The following NBPF19 variants were observed in gnomAD, a reference collection of about 807,000 sequenced individuals.
NBPF19 encodes NBPF member 19, also known as NBPF family member NBPF19.
In NBPF19, 30 loss-of-function variants were observed where a neutral mutation model predicts 45.9. That is an observed-to-expected ratio of 0.65 (90% CI 0.49 to 0.89). The LOEUF (loss-of-function observed/expected upper bound fraction) is 0.89, where lower values mean the gene tolerates loss of function less well. NBPF19 is among the 40% of genes least tolerant of loss of function. The probability of loss-of-function intolerance (pLI) is 0.00; values close to 1 mark genes in which losing one functional copy is unlikely to be tolerated. For synonymous variants in NBPF19, 183 were observed against 181.2 expected (o/e 1.01, Z -0.08); for missense variants, 495 against 471.8 (o/e 1.05, Z -0.46).
At chr1:149,487,795 G>C (rs1178282977) in intron 9 of NBPF19, among the ~76,000 whole-genome samples, 1 of 148,600 alleles carries the variant, frequency 6.7e-6, no homozygotes, top group Non-Finnish European at 1.5e-5. Flanking sequence ...GTGTGTGTGT[G>C]TGTGTGTGTG....
In NBPF19 at chr1:149,478,574, G is replaced by A. The variant is rs1175245815; in HGVS notation, c.279-306G>A. Among the ~76,000 whole-genome samples the A allele has an allele frequency of 1.3e-4, 20 of 151,208 alleles. No homozygotes were observed. The South Asian group carries it at 4.2e-3, about 31-fold the overall frequency. On this transcript the variant is annotated intron_variant, in intron 3 of 93. Transcript: ENST00000651566. ...TGTATTTTCACATGGAAATGTCCAT[G>A]GCCAGAGTGAGGAACTGAAAGGATG...
chr1:149,554,751 A>G lies in NBPF19; in HGVS notation c.*13A>G. The G allele has an allele frequency of 6.2e-7, 1 of 1,607,818 alleles. No individual in the cohort carries two copies. The highest frequency in any genetic ancestry group is 1.1e-5 in the South Asian group (1 of 90,878). On this transcript the variant is annotated 3_prime_UTR_variant, in exon 94 of 94. Transcript: ENST00000651566. ...ATTCCCACAATAGGCAGCCCTTACT[A>G]AGCCGAGAGATGTCATTCCTGCAGG...
At chr1:149,514,693 CTGTGTGTG>C (rs1224656992) in intron 43 of NBPF19, among the ~76,000 whole-genome samples, 1 of 89,754 alleles carries the variant, frequency 1.1e-5, no homozygotes, top group Non-Finnish European at 2.7e-5. Context: ...CTCTCTCTCT[CTGTGTGTG>C]TGTGTGTGTG....
chr1:149,491,072 A>T (rs2085851243), intron 13 of NBPF19, 67 bp from the exon 14 acceptor site: 1 of 304,788 alleles, frequency 3.3e-6, no homozygotes, highest in African/African-American at 5.7e-5. Context: ...TACCCATGAA[A>T]CCTAGTTGGG....
chr1:149,519,431 TTC>T (rs1209458388), intron 49 of NBPF19, among the ~76,000 whole-genome samples: 124 of 10,482 alleles, frequency 0.012, 2 homozygotes, highest in East Asian at 0.095. Context: ...ACTGAGCTCG[TTC>T]TCTCTCTCTC....
rs1229452142 is a variant in NBPF19 at position 149,494,170 on chromosome 1, C to A, written c.1998-148C>A. The A allele has an allele frequency of 3.3e-3, 1,832 of 550,830 alleles. 13 individuals are homozygous for A. Among genetic ancestry groups the A allele is most frequent in the Admixed American group, 5.0e-3 (144 of 28,856 alleles). 34.1% of individuals were successfully genotyped at this position (550,830 alleles called of 1,614,324 possible). A position where few individuals can be genotyped will look rare whatever the true frequency, so the allele number is the denominator to read the frequency against. ...TTCTCTACCTGGCCCTGGTCTATCC[C>A]AACATAAAGGCAATAATTCATTACC... On this transcript the variant is annotated intron_variant, in intron 17 of 93. Transcript: ENST00000651566.
Position 149,517,417 on chromosome 1 carries a change from C to A in NBPF19, c.5606-39C>A. 6.9e-6 allele frequency: 3 copies of A among 437,092 alleles called. 1 individual carries two copies. Among genetic ancestry groups the A allele is most frequent in the Non-Finnish European group, 1.2e-5 (3 of 256,296 alleles). The allele number at this position is 437,092 out of a possible 1,614,324, so 27.1% of individuals were successfully genotyped here. A position where few individuals can be genotyped will look rare whatever the true frequency, so the allele number is the denominator to read the frequency against. ...GTGGATTGTTATGTGTGTAGGAGAA[C>A]CAGCTTCATATGTCTGTCCATGTCT... is the stretch of plus-strand genomic sequence containing the variant. On this transcript the variant is annotated intron_variant, in intron 46 of 93. Coordinates refer to ENST00000651566, the MANE Select transcript of NBPF19 (RefSeq NM_001351365.2).
At chr1:149,478,661 A>C (rs1156753621) in intron 3 of NBPF19, among the ~76,000 whole-genome samples, 1 of 150,858 alleles carries the variant, frequency 6.6e-6, no homozygotes, top group Non-Finnish European at 1.5e-5. Flanking sequence ...AGATGAATGG[A>C]ACATCATCGA....
At chr1:149,494,174 A>T (rs1402032037) in intron 17 of NBPF19, 144 bp from the exon 18 acceptor site, 4 of 543,744 alleles carry the variant, frequency 7.4e-6, no homozygotes, top group Admixed American at 3.5e-5. Context: ...CTATCCCAAC[A>T]TAAAGGCAAT....
chr1:149,486,384 A>C, intron 8 of NBPF19, 91 bp downstream of exon 8: 2 of 658,042 alleles, frequency 3.0e-6, no homozygotes, highest in Admixed American at 4.3e-5. Context: ...TGTTGGGCTG[A>C]GATTTGCCAT....
chr1:149,494,017 C>T (rs2085974352), intron 17 of NBPF19, among the ~76,000 whole-genome samples: 2 of 98,684 alleles, frequency 2.0e-5, no homozygotes, highest in African/African-American at 5.6e-5. Context: ...CTGTGTGTCC[C>T]GAGGGCACTA....
In NBPF19 at chr1:149,488,216, T is replaced by A; in HGVS notation, c.1213+31T>A. On this transcript the variant is annotated intron_variant, in intron 10 of 93. Coordinates refer to ENST00000651566, the MANE Select transcript of NBPF19 (RefSeq NM_001351365.2). ...TACCTTTCTATGAAGGTGATAAGGA[T>A]CCACTGAGTCTTCTGGTTAGGGTCA... 5.1e-6 allele frequency: 3 copies of A among 591,274 alleles called. No individual in the cohort carries two copies. In the South Asian group the frequency reaches 5.9e-5, roughly 12 times the overall value. The allele number at this position is 591,274 out of a possible 1,614,324, so 36.6% of individuals were successfully genotyped here. A position where few individuals can be genotyped will look rare whatever the true frequency, so the allele number is the denominator to read the frequency against.
rs1376848692 is a variant in NBPF19 at position 149,479,921 on chromosome 1, A to G, written c.494-221A>G. On this transcript the variant is annotated intron_variant, in intron 4 of 93. Transcript: ENST00000651566. ...GATATGGGAAGCAAAAGGTCTTTTC[A>G]ATATTTGGCCACATCTTGATGGTGG... Among the ~76,000 whole-genome samples, 6 of 151,042 alleles carry G rather than the reference A, an allele frequency of 4.0e-5. No homozygotes were observed. In the East Asian group the frequency reaches 7.9e-4, roughly 20 times the overall value.
At chr1:149,478,168 C>G in intron 3 of NBPF19, 121 bp downstream of exon 3, 1 of 803,488 alleles carries the variant, frequency 1.2e-6, no homozygotes, top group Non-Finnish European at 2.1e-6. Flanking sequence ...ATTGCCATGA[C>G]AGGCTCATGA....
At chr1:149,487,030 G>A (rs1222637541) in intron 8 of NBPF19, among the ~76,000 whole-genome samples, 1 of 150,604 alleles carries the variant, frequency 6.6e-6, no homozygotes, top group African/African-American at 2.4e-5. Context: ...TCTCCTATGA[G>A]GTGTTAGAAC....
chr1:149,554,223 C>A, intron 93 of NBPF19, among the ~76,000 whole-genome samples: 1 of 151,558 alleles, frequency 6.6e-6, no homozygotes, highest in Non-Finnish European at 1.5e-5. Flanking sequence ...TGTCCTTTTA[C>A]TCCCTTACCA....
intron 7 of NBPF19, among the ~76,000 whole-genome samples, chr1:149,484,962 CTT>C (rs1342520870): frequency 7.8e-6 from 1 of 128,156 alleles, no homozygotes; most frequent in Non-Finnish European, 1.7e-5. Context: ...TCTTTTTACT[CTT>C]TTTTCTCTAA....
chr1:149,487,791 G>C (rs1455670471), intron 9 of NBPF19, among the ~76,000 whole-genome samples: 1 of 147,126 alleles, frequency 6.8e-6, no homozygotes, highest in Admixed American at 6.8e-5. Flanking sequence ...GTGTGTGTGT[G>C]TGTGTGTGTG....
At chr1:149,486,637 T>C (rs1383262861) in intron 8 of NBPF19, among the ~76,000 whole-genome samples, 1 of 151,352 alleles carries the variant, frequency 6.6e-6, no homozygotes, top group Non-Finnish European at 1.5e-5. Flanking sequence ...AAATGTCTTT[T>C]GCCAGCTACA....
Sources: allele counts gnomAD v4.1 joint callset (sites outside exome capture counted in the v4.1 genomes callset), GRCh38; gene constraint gnomAD v4.1.1; transcripts MANE v1.5; gene names NCBI Gene and HGNC (gene_info 2026-07-23, HGNC 2026-07-21).